The following ATRX variants were observed in gnomAD, a reference collection of about 807,000 sequenced individuals.
ATRX encodes the protein chromatin remodeler ATRX.
Under a neutral mutation model 172.6 loss-of-function variants are expected in ATRX, and 12 were observed. That is an observed-to-expected ratio of 0.07 (90% CI 0.04 to 0.11). The LOEUF (loss-of-function observed/expected upper bound fraction) is 0.11. Ranked by LOEUF, ATRX falls within the 10% of genes least tolerant of loss-of-function variation. The pLI, the probability that ATRX is intolerant of heterozygous loss-of-function variation, is 1.00. For missense variants in ATRX, 1,368 were observed against 1,767.4 expected (o/e 0.77, Z 4.05); for synonymous variants, 674 against 594.7 (o/e 1.13, Z -1.94).
chrX:77,537,802 G>A (rs946592909), intron 30 of ATRX, among the ~76,000 whole-genome samples: 2 of 111,849 alleles, frequency 1.8e-5, no homozygotes, highest in Non-Finnish European at 3.8e-5. Flanking sequence ...ATATATGGCT[G>A]TCATAACTTT....
At chrX:77,527,084 G>T in intron 30 of ATRX, among the ~76,000 whole-genome samples, 1 of 112,225 alleles carries the variant, frequency 8.9e-6, no homozygotes, top group East Asian at 2.8e-4. Flanking sequence ...ACAAAACAAA[G>T]AAATGCAAAC....
intron 15 of ATRX, among the ~76,000 whole-genome samples, chrX:77,638,634 C>T (rs914282473): frequency 1.8e-5 from 2 of 112,869 alleles, no homozygotes; most frequent in Admixed American, 1.9e-4. Context: ...TAAAAGGACA[C>T]TTCCTCTTTG....
chrX:77,524,079 G>T (rs1453160939), intron 30 of ATRX, among the ~76,000 whole-genome samples: 1 of 111,466 alleles, frequency 9.0e-6, no homozygotes, highest in Non-Finnish European at 1.9e-5. Context: ...CTTAAAAATT[G>T]GGATCATTTA....
At chrX:77,521,284 G>T in intron 33 of ATRX, 119 bp downstream of exon 33, 1 of 584,290 alleles carries the variant, frequency 1.7e-6, no homozygotes, top group Non-Finnish European at 2.8e-6. Flanking sequence ...CATTTTACCA[G>T]TATTTTACTA....
chrX:77,542,465 T>A, intron 30 of ATRX, among the ~76,000 whole-genome samples: 1 of 111,836 alleles, frequency 8.9e-6, no homozygotes, highest in Non-Finnish European at 1.9e-5. Context: ...TGGAAAAAAC[T>A]ACTCTAAACT....
Position 77,656,578 on chromosome X carries a change from T to C in ATRX, c.4196A>G (p.Glu1399Gly). The C allele has an allele frequency of 8.3e-7, 1 of 1,208,736 alleles. No homozygotes were observed. Among genetic ancestry groups the C allele is most frequent in the Non-Finnish European group, 1.1e-6 (1 of 893,719 alleles). ...ATAATACCTTGTTCTGGGCCGCTGT[T>C]CATCTTCGGATTCACTAACTTCTTC... ...VSEEVSESED[E>G]QRPRTRSAKK... Residue 1399 changes from glutamate to glycine, a missense_variant, in exon 13 of 35, where the codon GAA becomes GGA. Physicochemically the swap from Glu to Gly is moderately conservative, Grantham distance 98. Around this residue, in one of 17 missense-constraint regions of ATRX, gnomAD observed 119 missense variants for 131.3 expected, o/e 0.91. Transcript: ENST00000373344.
At chrX:77,711,818 G>A (rs2073126047) in intron 2 of ATRX, among the ~76,000 whole-genome samples, 1 of 112,291 alleles carries the variant, frequency 8.9e-6, no homozygotes, top group African/African-American at 3.2e-5. Flanking sequence ...CTAGGCAACA[G>A]AAAAAGAACC....
intron 1 of ATRX, among the ~76,000 whole-genome samples, chrX:77,729,971 T>C (rs1026130914): frequency 1.2e-4 from 13 of 111,903 alleles, no homozygotes; most frequent in Non-Finnish European, 2.1e-4. Flanking sequence ...ATAAGGCATA[T>C]AGTTATTTGT....
chrX:77,695,859 G>A (rs1242622731), intron 5 of ATRX, among the ~76,000 whole-genome samples: 1 of 111,123 alleles, frequency 9.0e-6, no homozygotes, highest in Non-Finnish European at 1.9e-5. Context: ...GAATGAATTT[G>A]AAAAATGTGC....
chrX:77,770,975 G>C (rs1174280957), intron 1 of ATRX, among the ~76,000 whole-genome samples: 2 of 112,019 alleles, frequency 1.8e-5, no homozygotes, highest in Non-Finnish European at 3.8e-5. Context: ...CCATTTCACT[G>C]TATCACTATT....
rs782056274 is a variant in ATRX, at chrX:77,616,062, T to A, written c.5566+551A>T. The A allele has an allele frequency of 8.3e-4, 622 of 751,785 alleles. 2 individuals are homozygous for A. Among genetic ancestry groups the A allele is most frequent in the Non-Finnish European group, 8.3e-4 (528 of 638,497 alleles). The allele number at this position is 751,785 out of a possible 1,213,427, so 62.0% of individuals were successfully genotyped here. A position where few individuals can be genotyped will look rare whatever the true frequency, so the allele number is the denominator to read the frequency against. On this transcript the variant is annotated intron_variant, in intron 22 of 34. Transcript: ENST00000373344. ...TTATTGATGGTAAAACAAAAACTAT[T>A]CATTGTATTATTTTAAAGCATAGAA... is the stretch of plus-strand genomic sequence containing the variant.
rs2064749166 is a variant in ATRX, at chrX:77,555,671, T to C, written c.6699+1780A>G. On this transcript the variant is annotated intron_variant, in intron 30 of 34. Coordinates refer to ENST00000373344, the MANE Select transcript of ATRX (RefSeq NM_000489.6). ...GTTGAACAATGAGAACATATGGACA[T>C]GGGGAGGGTTACATCACCCACTGGG... 2.8e-5 allele frequency among the ~76,000 whole-genome samples: 3 copies of C among 107,235 alleles called. No individual in the cohort carries two copies. In the Admixed American group the frequency reaches 3.0e-4, roughly 11 times the overall value. 93.1% of individuals were successfully genotyped at this position (107,235 alleles called of 115,157 possible). A position where few individuals can be genotyped will look rare whatever the true frequency, so the allele number is the denominator to read the frequency against.
intron 34 of ATRX, among the ~76,000 whole-genome samples, chrX:77,516,620 C>T (rs141783690): frequency 3.1e-3 from 346 of 111,465 alleles, no homozygotes; most frequent in Middle Eastern, 4.6e-3. Context: ...GAGAGACAGA[C>T]CCCAAAATAA....
At chrX:77,630,821 G>C (rs2068072836) in intron 19 of ATRX, among the ~76,000 whole-genome samples, 1 of 111,323 alleles carries the variant, frequency 9.0e-6, no homozygotes, top group Non-Finnish European at 1.9e-5. Flanking sequence ...CTTCGATTAA[G>C]CAATGAATAC....
chrX:77,644,017 G>A (rs782443202), intron 15 of ATRX, among the ~76,000 whole-genome samples: 1 of 111,491 alleles, frequency 9.0e-6, no homozygotes, highest in East Asian at 2.8e-4. Context: ...TTGGCTCACT[G>A]CAACCTCTGC....
intron 1 of ATRX, among the ~76,000 whole-genome samples, chrX:77,753,427 T>C (rs1033635796): frequency 1.8e-5 from 2 of 111,451 alleles, no homozygotes; most frequent in Admixed American, 1.9e-4. Flanking sequence ...CCTTGATTCA[T>C]TGATTTTTGG....
intron 28 of ATRX, among the ~76,000 whole-genome samples, chrX:77,564,552 A>G (rs1290779760): frequency 9.1e-6 from 1 of 110,148 alleles, no homozygotes; most frequent in Non-Finnish European, 1.9e-5. Flanking sequence ...CACCCAGCTA[A>G]TTTTTAAAAT....
intron 11 of ATRX, among the ~76,000 whole-genome samples, chrX:77,664,290 C>T (rs782393742): frequency 1.8e-5 from 2 of 109,444 alleles, no homozygotes; most frequent in Non-Finnish European, 3.8e-5. Context: ...GATGGAGTCT[C>T]GCTTTGTCAC....
At chrX:77,748,003 A>C (rs993045519) in intron 1 of ATRX, among the ~76,000 whole-genome samples, 6 of 111,502 alleles carry the variant, frequency 5.4e-5, no homozygotes, top group African/African-American at 2.0e-4. Context: ...AGGGGAGAAG[A>C]ACAAAATCTA....
Sources: allele counts gnomAD v4.1 joint callset (sites outside exome capture counted in the v4.1 genomes callset), GRCh38; gene constraint gnomAD v4.1.1; regional missense constraint gnomAD v4.1.1; transcripts MANE v1.5; gene names NCBI Gene and HGNC (gene_info 2026-07-23, HGNC 2026-07-21).